The following ZNF749 variants were observed in gnomAD, a reference collection of about 807,000 sequenced individuals.
The protein encoded by ZNF749 is zinc finger protein 749.
Under a neutral mutation model 7.3 loss-of-function variants are expected in ZNF749, and 8 were observed. That is an observed-to-expected ratio of 1.10 (90% CI 0.64 to 1.98). The LOEUF is 1.98. Among genes scored for constraint, ZNF749 ranks in the 30% most tolerant of loss-of-function variants. The pLI is 0.00. For missense variants in ZNF749, 898 were observed against 932.4 expected (o/e 0.96, Z 0.48); for synonymous variants, 310 against 322.4 (o/e 0.96, Z 0.41).
rs577913292 is a variant in ZNF749 at position 57,442,238 on chromosome 19, C to T, written c.142+227C>T. On this transcript the variant is annotated intron_variant, in intron 2 of 2. Coordinates refer to ENST00000334181, the MANE Select transcript of ZNF749 (RefSeq NM_001023561.4). This position sits in a 1 kb window ranked among gnomAD's most constrained non-coding sequence, Gnocchi z 6.6. ...CTCTGAAACTTTACAAGATAAGGCT[C>T]GGAAGTCAGAAATCTTCAGGTTTCT... Among the ~76,000 whole-genome samples the T allele has an allele frequency of 6.6e-5, 10 of 152,288 alleles. No individual in the cohort carries two copies. Among genetic ancestry groups the T allele is most frequent in the South Asian group, 2.1e-4 (1 of 4,828 alleles).
chr19:57,443,758 G>C lies in ZNF749; in HGVS notation c.610G>C (p.Asp204His). 6.2e-7 allele frequency: 1 copy of C among 1,614,178 alleles called. No homozygotes were observed. The highest frequency in any genetic ancestry group is 8.5e-7 in the Non-Finnish European group (1 of 1,180,028). ...TTTCAACTCCAGCCAAGGTGGGAAA[G>C]ACTTTTGCCACCAACATGGGCTGTT... ...NDFNSSQGGK[D>H]FCHQHGLFEH... is the part of the protein sequence containing the mutation. The change falls in exon 3 of 3, where the codon GAC (aspartate) becomes CAC (histidine). Residue 204 changes from aspartate (D) to histidine (H), a missense_variant. Transcript: ENST00000334181.
rs2089002183 is a variant in ZNF749, at chr19:57,442,517, C to CCCCTCCCTTT, written c.142+511_142+520dup. On this transcript the variant is annotated intron_variant, in intron 2 of 2. Transcript: ENST00000334181. This position sits in a 1 kb window ranked among gnomAD's most constrained non-coding sequence, Gnocchi z 6.6. ...GTTTATTGCTCTGTGTACATGCTGT[C>CCCCTCCCTTT]CCCTCCCTTTCCCTGCCTTTCCCGT... 6.6e-6 allele frequency among the ~76,000 whole-genome samples: 1 copy of CCCCTCCCTTT among 152,148 alleles called. No individual in the cohort carries two copies. Among genetic ancestry groups the CCCCTCCCTTT allele is most frequent in the Non-Finnish European group, 1.5e-5 (1 of 68,026 alleles).
Position 57,446,664 on chromosome 19 carries a change from T to G in ZNF749, c.*1179T>G, listed in dbSNP as rs1236948572. Among the ~76,000 whole-genome samples, 1 of 152,182 alleles carries G rather than the reference T, an allele frequency of 6.6e-6. No homozygotes were observed. Among genetic ancestry groups the G allele is most frequent in the African/African-American group, 2.4e-5 (1 of 41,438 alleles). On this transcript the variant is annotated 3_prime_UTR_variant, in exon 3 of 3. Transcript: ENST00000334181. ...GTGTCGCCTAACAAGAGGACTGTGT[T>G]CTGAGTAATCATCTTAAGGTGATTT...
Position 57,443,468 on chromosome 19 carries a change from C to G in ZNF749, c.320C>G (p.Pro107Arg). 6.2e-7 allele frequency: 1 copy of G among 1,614,222 alleles called. No homozygotes were observed. Among genetic ancestry groups the G allele is most frequent in the South Asian group, 1.1e-5 (1 of 91,086 alleles). The change falls in exon 3 of 3, where the codon CCT becomes CGT. Residue 107 changes from proline to arginine, a missense_variant. Transcript: ENST00000334181. ...LHLAEHDGTH[P>R]EQGLYTCAAE... Reference sequence around the variant, plus strand: ...CTGGCTGAGCACGATGGAACACACCCTGAGCAAGGGCTGTACACATGTGCA... The same window carrying G: ...CTGGCTGAGCACGATGGAACACACCGTGAGCAAGGGCTGTACACATGTGCA...
upstream of ZNF749, among the ~76,000 whole-genome samples, chr19:57,434,200 C>T (rs1264035818): frequency 1.3e-5 from 2 of 152,162 alleles, no homozygotes; most frequent in Non-Finnish European, 2.9e-5. Flanking sequence ...CGGGTTCAAG[C>T]GATTCTCCTG....
In ZNF749 at chr19:57,446,914, A is replaced by T. The variant is rs1224791359; in HGVS notation, c.*1429A>T. The stretch of plus-strand genomic sequence containing the variant: ...TAAAAATGTATGAAAAATGGTAAAA[A>T]CTTTATAGGGCACTAACATGAACGA... On this transcript the variant is annotated 3_prime_UTR_variant, in exon 3 of 3. Coordinates refer to ENST00000334181, the MANE Select transcript of ZNF749 (RefSeq NM_001023561.4). 6.6e-6 allele frequency among the ~76,000 whole-genome samples: 1 copy of T among 152,166 alleles called. No individual in the cohort carries two copies. Among genetic ancestry groups the T allele is most frequent in the Admixed American group, 6.6e-5 (1 of 15,266 alleles).
chr19:57,435,626 C>T (rs764035857), intron 1 of ZNF749, 33 bp downstream of exon 1: 1 of 1,597,438 alleles, frequency 6.3e-7, no homozygotes, highest in East Asian at 2.3e-5. Flanking sequence ...CCCCGCCCAA[C>T]CCCTCCTCCC....
upstream of ZNF749, among the ~76,000 whole-genome samples, chr19:57,432,570 A>AC (rs1568542210): frequency 7.1e-6 from 1 of 140,452 alleles, no homozygotes; most frequent in African/African-American, 2.6e-5. Context: ...TTAAAAAAAA[A>AC]AAAAAAAAAA....
rs1006288003 is a variant in ZNF749 at position 57,439,571 on chromosome 19, C to T, written c.16-2314C>T. ...GAAGATTGCTTGAGGCCAGCCTGGG[C>T]AACATAGGGAGACTCTGTCCCTACA... is the stretch of plus-strand genomic sequence containing the variant. On this transcript the variant is annotated intron_variant, in intron 1 of 2. Coordinates refer to ENST00000334181, the MANE Select transcript of ZNF749 (RefSeq NM_001023561.4). This position sits in a 1 kb window ranked among gnomAD's most constrained non-coding sequence, Gnocchi z 4.3. Among the ~76,000 whole-genome samples the T allele has an allele frequency of 6.6e-6, 1 of 151,638 alleles. No individual in the cohort carries two copies. The highest frequency in any genetic ancestry group is 2.4e-5 in the African/African-American group (1 of 41,262).
rs190084756 is a variant in ZNF749, at chr19:57,436,376, A to T, written c.15+783A>T. On this transcript the variant is annotated intron_variant, in intron 1 of 2. Transcript: ENST00000334181. This position sits in a 1 kb window ranked among gnomAD's most constrained non-coding sequence, Gnocchi z 4.0. ...CCTGTGGATCAGATTGAGAAGGAAGAATCCTACATCGTTTTTTCATATGGG... is the reference window on the plus strand; with the variant it reads ...CCTGTGGATCAGATTGAGAAGGAAGTATCCTACATCGTTTTTTCATATGGG... Among the ~76,000 whole-genome samples the T allele has an allele frequency of 3.3e-5, 5 of 152,242 alleles. No individual in the cohort carries two copies. Among genetic ancestry groups the T allele is most frequent in the Admixed American group, 3.3e-4 (5 of 15,284 alleles).
rs1235667860 is a variant in ZNF749 at position 57,444,968 on chromosome 19, C to T, written c.1820C>T (p.Thr607Ile). Residue 607 changes from threonine (T) to isoleucine (I), a missense_variant, in exon 3 of 3, where the codon ACT becomes ATT. Transcript: ENST00000334181. Reference protein sequence around the residue: ...YKLVIHQRIHTGEKPYKCSKC... With the variant: ...YKLVIHQRIHIGEKPYKCSKC... The stretch of plus-strand genomic sequence containing the variant: ...CTTGTTATTCATCAGAGAATTCACA[C>T]TGGAGAAAAGCCTTATAAATGCAGC... The T allele has an allele frequency of 6.2e-7, 1 of 1,613,968 alleles. No homozygotes were observed. Among genetic ancestry groups the T allele is most frequent in the African/African-American group, 1.3e-5 (1 of 74,906 alleles).
At chr19:57,440,275 G>A (rs2088974501) in intron 1 of ZNF749, among the ~76,000 whole-genome samples, 1 of 152,088 alleles carries the variant, frequency 6.6e-6, no homozygotes, top group Non-Finnish European at 1.5e-5. Context: ...GCCTGGGGTG[G>A]GGATAGCATT....
At chr19:57,437,628 G>A (rs889363980) in intron 1 of ZNF749, among the ~76,000 whole-genome samples, 2 of 151,672 alleles carry the variant, frequency 1.3e-5, no homozygotes, top group African/African-American at 2.4e-5. Flanking sequence ...GGAGGCTGAG[G>A]CAGGAGAATC....
Position 57,445,487 on chromosome 19 carries a change from G to A in ZNF749, c.*2G>A, listed in dbSNP as rs761408540. The stretch of plus-strand genomic sequence containing the variant: ...ATTCATACTGGAAAAAGGCCTTAGT[G>A]GAGTGAATGCAGGAAAGTCACCAAA... On this transcript the variant is annotated 3_prime_UTR_variant, in exon 3 of 3. Transcript: ENST00000334181. 1 of 1,599,332 alleles carries A rather than the reference G, an allele frequency of 6.3e-7. No individual in the cohort carries two copies. Among genetic ancestry groups the A allele is most frequent in the Admixed American group, 1.7e-5 (1 of 57,896 alleles).
At position 57,435,593 on chromosome 19, in the gene ZNF749, G is replaced by T; in HGVS notation, c.15G>T (p.Glu5Asp). 1 of 1,606,110 alleles carries T rather than the reference G, an allele frequency of 6.2e-7. No individual in the cohort carries two copies. The highest frequency in any genetic ancestry group is 8.5e-7 in the Non-Finnish European group (1 of 1,177,350). The change falls in exon 1 of 3, where the codon GAG (glutamate) becomes GAT (aspartate). Residue 5 changes from glutamate (E) to aspartate (D), a missense_variant and splice_region_variant. Coordinates refer to ENST00000334181, the MANE Select transcript of ZNF749 (RefSeq NM_001023561.4). Reference protein sequence around the residue: MNLTEDCMVFEDVAI... With the variant: MNLTDDCMVFEDVAI... Reference sequence around the variant, plus strand: ...AGGCCGCGCCGATGAACCTGACCGAGGTGCGTGCAGCGTCCCAGGCCGCCC... The same window carrying T: ...AGGCCGCGCCGATGAACCTGACCGATGTGCGTGCAGCGTCCCAGGCCGCCC...
At chr19:57,437,152 C>T (rs1422152934) in intron 1 of ZNF749, among the ~76,000 whole-genome samples, 2 of 152,228 alleles carry the variant, frequency 1.3e-5, no homozygotes, top group South Asian at 2.1e-4. Flanking sequence ...AACAGAATGT[C>T]TTAAAACAGT....
In ZNF749 at chr19:57,435,570, G is replaced by A; in HGVS notation, c.-9G>A. 2 of 1,604,690 alleles carry A rather than the reference G, an allele frequency of 1.2e-6. No individual in the cohort carries two copies. The highest frequency in any genetic ancestry group is 8.5e-7 in the Non-Finnish European group (1 of 1,176,942). ...CTCTTCCCTGGGTGGACTGGAGGAG[G>A]CCGCGCCGATGAACCTGACCGAGGT... is the stretch of plus-strand genomic sequence containing the variant. On this transcript the variant is annotated 5_prime_UTR_variant, in exon 1 of 3. Transcript: ENST00000334181.
At chr19:57,432,938 C>A (rs1416804493), upstream of ZNF749, among the ~76,000 whole-genome samples, 1 of 152,016 alleles carries the variant, frequency 6.6e-6, no homozygotes, top group African/African-American at 2.4e-5. Flanking sequence ...TAAATGAAGA[C>A]CCAAATGAGA....
chr19:57,433,202 CACTG>C (rs2123085616), upstream of ZNF749, among the ~76,000 whole-genome samples: 2 of 151,944 alleles, frequency 1.3e-5, no homozygotes, highest in South Asian at 4.1e-4. Context: ...GCTAGTGATG[CACTG>C]ACTTTCTCCA....
Sources: gnomAD v4.1 joint callset for allele counts (sites outside exome capture counted in the v4.1 genomes callset) on GRCh38, gnomAD v4.1.1 for gene constraint, Gnocchi (gnomAD v3.1) non-coding constraint, MANE v1.5 for transcripts, NCBI Gene and HGNC (gene_info 2026-07-23, HGNC 2026-07-21) for gene names.